ZBTB7B: variants seen among roughly 807,000 people sequenced by gnomAD.
ZBTB7B encodes the protein zinc finger and BTB domain containing 7B.
Under a neutral mutation model 31.0 loss-of-function variants are expected in ZBTB7B, and 8 were observed. That is an observed-to-expected ratio of 0.26 (90% CI 0.15 to 0.47). ZBTB7B has a LOEUF of 0.47. ZBTB7B is among the 20% of genes least tolerant of loss of function. The pLI, the probability that ZBTB7B is intolerant of heterozygous loss-of-function variation, is 0.99. For missense variants in ZBTB7B, 494 were observed against 742.4 expected (o/e 0.67, Z 3.89); for synonymous variants, 261 against 307.3 (o/e 0.85, Z 1.58).
intron 1 of ZBTB7B, among the ~76,000 whole-genome samples, chr1:155,005,629 T>C (rs1376690472): frequency 1.3e-5 from 2 of 152,222 alleles, no homozygotes; most frequent in Admixed American, 6.5e-5. Flanking sequence ...CTCCCTGACC[T>C]TCCTGAGAGT....
chr1:155,005,053 G>T (rs1055116231), intron 1 of ZBTB7B, among the ~76,000 whole-genome samples: 1 of 151,366 alleles, frequency 6.6e-6, no homozygotes, highest in Non-Finnish European at 1.5e-5. Flanking sequence ...TCTTCCCCAT[G>T]GTGCCCCCTG....
Position 155,015,398 on chromosome 1 carries a change from G to A in ZBTB7B, c.738G>A (p.Gly246=). Residue 246 remains glycine, a synonymous_variant, in exon 2 of 3, where the codon GGG becomes GGA. Transcript: ENST00000535420. ...EEVAGRVGSS[G]GSGPGDSYSP... ...TGGCGGGCAGAGTGGGCAGCAGTGG[G>A]GGCAGTGGGCCGGGGGACAGCTACA... 1 of 1,570,672 alleles carries A rather than the reference G, an allele frequency of 6.4e-7. No homozygotes were observed. Among genetic ancestry groups the A allele is most frequent in the Non-Finnish European group, 8.7e-7 (1 of 1,156,040 alleles).
Position 155,018,452 on chromosome 1 carries a change from C to A in ZBTB7B, c.*1767C>A. ...GGAGAGGCACTCCCCCCCTCCTATT[C>A]CCTTCCCCCCACCCCAACTCCCCCA... On this transcript the variant is annotated 3_prime_UTR_variant, in exon 3 of 3. Transcript: ENST00000535420. The A allele has an allele frequency of 3.2e-6, 4 of 1,263,114 alleles. No individual in the cohort carries two copies. The highest frequency in any genetic ancestry group is 2.2e-6 in the Non-Finnish European group (2 of 913,456). 78.2% of individuals were successfully genotyped at this position (1,263,114 alleles called of 1,614,324 possible).
Position 155,006,512 on chromosome 1 carries a change from C to G in ZBTB7B, c.-7+3569C>G, listed in dbSNP as rs550244716. 3.7e-4 allele frequency among the ~76,000 whole-genome samples: 57 copies of G among 152,270 alleles called. No individual in the cohort carries two copies. In the South Asian group the frequency reaches 5.6e-3, roughly 15 times the overall value. ...GTGCCAGATTCAGGGGTCGAAGGTGCCCCAGGCAAAAGAGGGCTGATGGCA... is the reference window on the plus strand; with the variant it reads ...GTGCCAGATTCAGGGGTCGAAGGTGGCCCAGGCAAAAGAGGGCTGATGGCA... On this transcript the variant is annotated intron_variant, in intron 1 of 2. Coordinates refer to ENST00000535420, the MANE Select transcript of ZBTB7B (RefSeq NM_001256455.2).
chr1:155,007,973 GTTGT>G (rs1007471255), intron 1 of ZBTB7B, among the ~76,000 whole-genome samples: 11 of 152,274 alleles, frequency 7.2e-5, no homozygotes, highest in African/African-American at 2.4e-4. Flanking sequence ...GACCCCAGGA[GTTGT>G]TTAAGTGAAA....
rs1186857719 is a variant in ZBTB7B, at chr1:155,016,255, C to T, written c.1190C>T (p.Thr397Met). 1.2e-6 allele frequency: 2 copies of T among 1,613,614 alleles called. No homozygotes were observed. The highest frequency in any genetic ancestry group is 2.2e-5 in the East Asian group (1 of 44,876). The change falls in exon 3 of 3, where the codon ACG (threonine) becomes ATG (methionine). Residue 397 changes from threonine to methionine, a missense_variant. Around this residue, in one of 5 missense-constraint regions of ZBTB7B, gnomAD observed 61 missense variants for 170.0 expected, o/e 0.36. Transcript: ENST00000535420. This position sits in a 1 kb window ranked among gnomAD's most constrained non-coding sequence, Gnocchi z 4.3. ...CTGAAGATCCACATGCGGAAGCACA[C>T]GGGAGAGCGCCCCTACTCATGCCCG... ...DKLKIHMRKHTGERPYSCPHC... is the reference protein window; with the variant it reads ...DKLKIHMRKHMGERPYSCPHC...
chr1:155,013,703 G>A (rs574591542), intron 1 of ZBTB7B, among the ~76,000 whole-genome samples: 21 of 152,208 alleles, frequency 1.4e-4, no homozygotes, highest in African/African-American at 5.1e-4. Flanking sequence ...AGTAGCTGAG[G>A]GGGAGGTGGG....
chr1:155,018,437 T>TC lies in ZBTB7B; in HGVS notation c.*1759dup, dbSNP rs1003889384. 21 of 1,144,434 alleles carry TC rather than the reference T, an allele frequency of 1.8e-5. No individual in the cohort carries two copies. Among genetic ancestry groups the TC allele is most frequent in the East Asian group, 2.6e-5 (1 of 38,776 alleles). The allele number at this position is 1,144,434 out of a possible 1,614,324, so 70.9% of individuals were successfully genotyped here. On this transcript the variant is annotated 3_prime_UTR_variant, in exon 3 of 3. Coordinates refer to ENST00000535420, the MANE Select transcript of ZBTB7B (RefSeq NM_001256455.2). ...GTCAGTGCCTTAGGGGGAGAGGCAC[T>TC]CCCCCCCTCCTATTCCCTTCCCCCC...
rs1659453705 is a variant in ZBTB7B at position 155,016,831 on chromosome 1, C to T, written c.*146C>T. On this transcript the variant is annotated 3_prime_UTR_variant, in exon 3 of 3. Coordinates refer to ENST00000535420, the MANE Select transcript of ZBTB7B (RefSeq NM_001256455.2). The surrounding 1 kb of genome is among the most constrained non-coding windows in gnomAD (Gnocchi z 4.3). ...AGCCCTTCCTCCCAGAGCCCTCATT[C>T]CAATTCCAAGCTAAGAAGGTATTGG... 1.3e-5 allele frequency: 8 copies of T among 598,808 alleles called. 1 individual carries two copies. The South Asian group carries it at 1.4e-4, about 10-fold the overall frequency. The allele number at this position is 598,808 out of a possible 1,614,324, so 37.1% of individuals were successfully genotyped here.
At chr1:155,007,313 C>T (rs1658616739) in intron 1 of ZBTB7B, among the ~76,000 whole-genome samples, 1 of 152,234 alleles carries the variant, frequency 6.6e-6, no homozygotes, top group African/African-American at 2.4e-5. Flanking sequence ...TCCCTGCCCC[C>T]TGCCCTCTAG....
In ZBTB7B at chr1:155,015,143, G is replaced by A; in HGVS notation, c.483G>A (p.Gln161=). The A allele has an allele frequency of 1.2e-6, 2 of 1,613,740 alleles. No individual in the cohort carries two copies. Among genetic ancestry groups the A allele is most frequent in the Non-Finnish European group, 8.5e-7 (1 of 1,180,028 alleles). Residue 161 remains glutamine, a synonymous_variant, in exon 2 of 3, where the codon CAG becomes CAA. Coordinates refer to ENST00000535420, the MANE Select transcript of ZBTB7B (RefSeq NM_001256455.2). The part of the protein sequence containing the change: ...PDEDDCERAR[Q]YLEAFATATA... ...AGGATGACTGTGAGCGAGCCCGCCA[G>A]TATCTGGAGGCCTTTGCCACAGCCA...
rs1658403400 is a variant in ZBTB7B at position 155,003,934 on chromosome 1, CG to C, written c.-7+993del. The stretch of plus-strand genomic sequence containing the variant: ...GGCGGCGTGGGCAGCGGGTTGTGCC[CG>C]GACACGTGCCTGCCCAGGCGCCCCG... On this transcript the variant is annotated intron_variant, in intron 1 of 2. Coordinates refer to ENST00000535420, the MANE Select transcript of ZBTB7B (RefSeq NM_001256455.2). This position sits in a 1 kb window ranked among gnomAD's most constrained non-coding sequence, Gnocchi z 5.8. 6.6e-6 allele frequency among the ~76,000 whole-genome samples: 1 copy of C among 152,164 alleles called. No individual in the cohort carries two copies. The highest frequency in any genetic ancestry group is 1.5e-5 in the Non-Finnish European group (1 of 68,008).
Position 155,018,084 on chromosome 1 carries a change from G to T in ZBTB7B, c.*1399G>T, listed in dbSNP as rs1055006873. On this transcript the variant is annotated 3_prime_UTR_variant, in exon 3 of 3. Coordinates refer to ENST00000535420, the MANE Select transcript of ZBTB7B (RefSeq NM_001256455.2). ...TTGCACTATTTCCCCTTCCTGGCCT[G>T]ACGGCTCCTCCCCCTCCTTAAAAGG... 2.9e-5 allele frequency: 5 copies of T among 175,186 alleles called. No individual in the cohort carries two copies. Among genetic ancestry groups the T allele is most frequent in the Admixed American group, 2.2e-4 (4 of 18,152 alleles). 10.9% of individuals were successfully genotyped at this position (175,186 alleles called of 1,614,324 possible).
In ZBTB7B at chr1:155,018,057, C is replaced by T; in HGVS notation, c.*1372C>T. On this transcript the variant is annotated 3_prime_UTR_variant, in exon 3 of 3. Coordinates refer to ENST00000535420, the MANE Select transcript of ZBTB7B (RefSeq NM_001256455.2). ...GACCCCTTTTGCAGCCTGGGCTCTGCCTTGCACTATTTCCCCTTCCTGGCC... is the reference window on the plus strand; with the variant it reads ...GACCCCTTTTGCAGCCTGGGCTCTGTCTTGCACTATTTCCCCTTCCTGGCC... 5.8e-6 allele frequency: 1 copy of T among 173,776 alleles called. No individual in the cohort carries two copies. The highest frequency in any genetic ancestry group is 1.3e-5 in the Non-Finnish European group (1 of 79,606). The allele number at this position is 173,776 out of a possible 1,614,324, so 10.8% of individuals were successfully genotyped here.
chr1:155,016,997 T>C lies in ZBTB7B; in HGVS notation c.*312T>C. ...GAAGCAATAATGTATTTCTAATTTG[T>C]GGGTCCCACTTCGGCTATGCGGGTT... is the stretch of plus-strand genomic sequence containing the variant. On this transcript the variant is annotated 3_prime_UTR_variant, in exon 3 of 3. Coordinates refer to ENST00000535420, the MANE Select transcript of ZBTB7B (RefSeq NM_001256455.2). This position sits in a 1 kb window ranked among gnomAD's most constrained non-coding sequence, Gnocchi z 4.3. 1 of 271,652 alleles carries C rather than the reference T, an allele frequency of 3.7e-6. No homozygotes were observed. The highest frequency in any genetic ancestry group is 4.7e-5 in the Admixed American group (1 of 21,190). The allele number at this position is 271,652 out of a possible 1,614,324, so 16.8% of individuals were successfully genotyped here.
intron 1 of ZBTB7B, among the ~76,000 whole-genome samples, chr1:155,007,686 C>A (rs77471566): frequency 7.9e-5 from 12 of 152,126 alleles, no homozygotes; most frequent in Non-Finnish European, 1.3e-4. Flanking sequence ...CACAGGGTGA[C>A]CCTCCCCCAC....
intron 1 of ZBTB7B, among the ~76,000 whole-genome samples, chr1:155,007,630 T>C (rs566576983): frequency 2.6e-5 from 4 of 152,258 alleles, no homozygotes; most frequent in African/African-American, 9.6e-5. Context: ...TCTTAGGCCT[T>C]ATCTGTAAGG....
rs925058221 is a variant in ZBTB7B at position 155,004,068 on chromosome 1, G to T, written c.-7+1125G>T. On this transcript the variant is annotated intron_variant, in intron 1 of 2. Coordinates refer to ENST00000535420, the MANE Select transcript of ZBTB7B (RefSeq NM_001256455.2). This position sits in a 1 kb window ranked among gnomAD's most constrained non-coding sequence, Gnocchi z 4.0. ...TGGTGAGACCTCGGGGCGCCCTGGG[G>T]GGCAGGGGGGCGGGGAGCCTGGGTC... Among the ~76,000 whole-genome samples, 3 of 152,208 alleles carry T rather than the reference G, an allele frequency of 2.0e-5. No homozygotes were observed. The highest frequency in any genetic ancestry group is 4.4e-5 in the Non-Finnish European group (3 of 68,024).
chr1:155,006,787 C>T (rs1658584745), intron 1 of ZBTB7B, among the ~76,000 whole-genome samples: 1 of 152,122 alleles, frequency 6.6e-6, no homozygotes, highest in Non-Finnish European at 1.5e-5. Flanking sequence ...ACATCCTCTC[C>T]TCCTTCCTTC....
Sources: gnomAD v4.1 joint callset for allele counts (sites outside exome capture counted in the v4.1 genomes callset) on GRCh38, gnomAD v4.1.1 for gene constraint, gnomAD v4.1.1 regional missense constraint, Gnocchi (gnomAD v3.1) non-coding constraint, MANE v1.5 for transcripts, NCBI Gene and HGNC (gene_info 2026-07-23, HGNC 2026-07-21) for gene names.